The following DCAF4L2 variants were observed in gnomAD, a reference collection of about 807,000 sequenced individuals.
DCAF4L2 encodes the protein DDB1 and CUL4 associated factor 4 like 2.
Under a neutral mutation model 15.5 loss-of-function variants are expected in DCAF4L2, and 13 were observed. The observed-to-expected ratio is 0.84, with a 90% CI of 0.54 to 1.33. DCAF4L2 has a LOEUF of 1.33. Among genes scored for constraint, DCAF4L2 ranks in the 40% most tolerant of loss-of-function variants. The pLI is 0.00. For missense variants in DCAF4L2, 519 were observed against 509.6 expected (o/e 1.02, Z -0.18); for synonymous variants, 251 against 207.0 (o/e 1.21, Z -1.83).
rs1249496026 is a variant in DCAF4L2, at chr8:87,873,252, A to G, written c.720T>C (p.Phe240=). The change falls in exon 1 of 1, where the codon TTT becomes TTC. Residue 240 remains phenylalanine, a synonymous_variant. Coordinates refer to ENST00000319675, the MANE Select transcript of DCAF4L2 (RefSeq NM_152418.4). Reference sequence around the variant, plus strand: ...AGATCTCCCCAGAGCGACAGCCATTAAACAGCAAAGGAGTCATGATTGCAA... The same window carrying G: ...AGATCTCCCCAGAGCGACAGCCATTGAACAGCAAAGGAGTCATGATTGCAA... ...QQFAIMTPLL[F]NGCRSGEIFG... is the part of the protein sequence containing the mutation. The G allele has an allele frequency of 1.2e-6, 2 of 1,614,216 alleles. No homozygotes were observed. The highest frequency in any genetic ancestry group is 3.3e-5 in the Admixed American group (2 of 60,030).
rs1809386934 is a variant in DCAF4L2 at position 87,870,944 on chromosome 8, T to C, written c.*1840A>G. The stretch of plus-strand genomic sequence containing the variant: ...ATCCTTTAAACCAATATCTACTTTA[T>C]GATTTAGTTTTATTATCTAAGACAT... On this transcript the variant is annotated 3_prime_UTR_variant, in exon 1 of 1. Transcript: ENST00000319675. 1 of 152,262 alleles carries C rather than the reference T, an allele frequency of 6.6e-6. No homozygotes were observed. Among genetic ancestry groups the C allele is most frequent in the East Asian group, 1.9e-4 (1 of 5,192 alleles). The allele number at this position is 152,262 out of a possible 1,614,324, so 9.4% of individuals were successfully genotyped here. A position where few individuals can be genotyped will look rare whatever the true frequency, so the allele number is the denominator to read the frequency against.
In DCAF4L2 at chr8:87,873,398, G is replaced by A. The variant is rs754327780; in HGVS notation, c.574C>T (p.Leu192=). ...AAAGAGTGATACGCGTGGATGCTCA[G>A]GGACCAGGCACAGGACCAGGCATCA... is the stretch of plus-strand genomic sequence containing the variant. ...IPDAWSCAWS[L]SIHAYHSFST... The change falls in exon 1 of 1, where the codon CTG becomes TTG. Residue 192 remains leucine, a synonymous_variant. Coordinates refer to ENST00000319675, the MANE Select transcript of DCAF4L2 (RefSeq NM_152418.4). 4 of 1,614,086 alleles carry A rather than the reference G, an allele frequency of 2.5e-6. No individual in the cohort carries two copies. The highest frequency in any genetic ancestry group is 4.5e-5 in the East Asian group (2 of 44,882).
At position 87,872,601 on chromosome 8, in the gene DCAF4L2, A is replaced by G. The variant is rs1252949361; in HGVS notation, c.*183T>C. On this transcript the variant is annotated 3_prime_UTR_variant, in exon 1 of 1. Transcript: ENST00000319675. ...AAGGACTTTCAAGCTCTCTCAGCCCAGTTTAACTGAAACAACTTTACAGAA... is the reference window on the plus strand; with the variant it reads ...AAGGACTTTCAAGCTCTCTCAGCCCGGTTTAACTGAAACAACTTTACAGAA... The G allele has an allele frequency of 7.2e-6, 4 of 551,802 alleles. No homozygotes were observed. The highest frequency in any genetic ancestry group is 1.2e-5 in the Non-Finnish European group (4 of 330,508). The allele number at this position is 551,802 out of a possible 1,614,324, so 34.2% of individuals were successfully genotyped here.
chr8:87,870,804 T>A lies in DCAF4L2; in HGVS notation c.*1980A>T, dbSNP rs924155858. ...GTAAACAGATTCGCAAGTTACGTAG[T>A]CATTACATTTTCTTTTGTCAACTGC... On this transcript the variant is annotated 3_prime_UTR_variant, in exon 1 of 1. Coordinates refer to ENST00000319675, the MANE Select transcript of DCAF4L2 (RefSeq NM_152418.4). 6.6e-6 allele frequency: 1 copy of A among 152,176 alleles called. No homozygotes were observed. The highest frequency in any genetic ancestry group is 1.5e-5 in the Non-Finnish European group (1 of 68,030). The allele number at this position is 152,176 out of a possible 1,614,324, so 9.4% of individuals were successfully genotyped here. A position where few individuals can be genotyped will look rare whatever the true frequency, so the allele number is the denominator to read the frequency against.
Position 87,873,591 on chromosome 8 carries a change from C to A in DCAF4L2, c.381G>T (p.Val127=). The A allele has an allele frequency of 6.2e-7, 1 of 1,614,194 alleles. No homozygotes were observed. Among genetic ancestry groups the A allele is most frequent in the Non-Finnish European group, 8.5e-7 (1 of 1,180,042 alleles). The change falls in exon 1 of 1, where the codon GTG becomes GTT. Residue 127 remains valine (V), a synonymous_variant. Coordinates refer to ENST00000319675, the MANE Select transcript of DCAF4L2 (RefSeq NM_152418.4). ...HKTLYVPNRK[V]NSMCWASLNH... ...TCAGTGAGGCCCAGCACATAGAATT[C>A]ACCTTCCGATTAGGGACGTAGAGGG...
rs534810601 is a variant in DCAF4L2, at chr8:87,871,688, A to G, written c.*1096T>C. ...ACTATTCAAACTGTAATCACCATAGATAAGTTTTTAGTGCTTTGGAACTTT... is the reference window on the plus strand; with the variant it reads ...ACTATTCAAACTGTAATCACCATAGGTAAGTTTTTAGTGCTTTGGAACTTT... On this transcript the variant is annotated 3_prime_UTR_variant, in exon 1 of 1. Coordinates refer to ENST00000319675, the MANE Select transcript of DCAF4L2 (RefSeq NM_152418.4). 24 of 152,316 alleles carry G rather than the reference A, an allele frequency of 1.6e-4. No individual in the cohort carries two copies. The highest frequency in any genetic ancestry group is 8.3e-4 in the South Asian group (4 of 4,830). The allele number at this position is 152,316 out of a possible 1,614,324, so 9.4% of individuals were successfully genotyped here. A position where few individuals can be genotyped will look rare whatever the true frequency, so the allele number is the denominator to read the frequency against.
In DCAF4L2 at chr8:87,872,906, A is replaced by G; in HGVS notation, c.1066T>C (p.Tyr356His). The part of the protein sequence containing the change: ...GHLLTTIPSP[Y>H]PASENDIPSV... Reference sequence around the variant, plus strand: ...GGAATGTCGTTCTCCGAGGCGGGGTATGGGGAGGGTATGGTTGTGAGCAGG... The same window carrying G: ...GGAATGTCGTTCTCCGAGGCGGGGTGTGGGGAGGGTATGGTTGTGAGCAGG... The change falls in exon 1 of 1, where the codon TAC becomes CAC. Residue 356 changes from tyrosine (Y) to histidine (H), a missense_variant. Physicochemically the swap from Tyr to His is moderately conservative, Grantham distance 83 (BLOSUM62 2). Coordinates refer to ENST00000319675, the MANE Select transcript of DCAF4L2 (RefSeq NM_152418.4). The G allele has an allele frequency of 6.2e-7, 1 of 1,614,062 alleles. No homozygotes were observed. Among genetic ancestry groups the G allele is most frequent in the East Asian group, 2.2e-5 (1 of 44,854 alleles).
In DCAF4L2 at chr8:87,873,684, G is replaced by A. The variant is rs763988457; in HGVS notation, c.288C>T (p.Gly96=). The A allele has an allele frequency of 2.5e-6, 4 of 1,614,186 alleles. No homozygotes were observed. The highest frequency in any genetic ancestry group is 4.5e-5 in the East Asian group (2 of 44,870). ...GCATGGTGATGATGCCGTACTTGGA[G>A]CCTCCAGCTTCGACTTGGTTCACTG... ...LFTVNQVEAG[G]SKYGIITMRG... The change falls in exon 1 of 1, where the codon GGC becomes GGT. Residue 96 remains glycine, a synonymous_variant. Transcript: ENST00000319675.
rs919469216 is a variant in DCAF4L2, at chr8:87,873,793, T to C, written c.179A>G (p.Gln60Arg). 2 of 1,614,148 alleles carry C rather than the reference T, an allele frequency of 1.2e-6. 1 individual carries two copies. The highest frequency in any genetic ancestry group is 3.3e-4 in the Middle Eastern group (2 of 6,062). The change falls in exon 1 of 1, where the codon CAG (glutamine) becomes CGG (arginine). Residue 60 changes from glutamine to arginine, a missense_variant. By Grantham distance (43) the Gln-to-Arg change is conservative. Transcript: ENST00000319675. ...RVSCMQRKKV[Q>R]IHSWDPSSLA... The stretch of plus-strand genomic sequence containing the variant: ...AGAGGAGGGATCCCAGCTATGAATC[T>C]GGACCTTTTTCCTCTGCATGCAGCT...
In DCAF4L2 at chr8:87,873,393, G is replaced by A; in HGVS notation, c.579C>T (p.Ser193=). Residue 193 remains serine, a synonymous_variant, in exon 1 of 1, where the codon AGC becomes AGT. Coordinates refer to ENST00000319675, the MANE Select transcript of DCAF4L2 (RefSeq NM_152418.4). ...PDAWSCAWSL[S]IHAYHSFSTG... ...TACTGAAAGAGTGATACGCGTGGAT[G>A]CTCAGGGACCAGGCACAGGACCAGG... The A allele has an allele frequency of 6.2e-7, 1 of 1,614,192 alleles. No homozygotes were observed. Among genetic ancestry groups the A allele is most frequent in the Non-Finnish European group, 8.5e-7 (1 of 1,180,038 alleles).
Position 87,872,655 on chromosome 8 carries a change from C to T in DCAF4L2, c.*129G>A. The T allele has an allele frequency of 1.0e-6, 1 of 970,502 alleles. No individual in the cohort carries two copies. The highest frequency in any genetic ancestry group is 1.5e-6 in the Non-Finnish European group (1 of 677,806). The allele number at this position is 970,502 out of a possible 1,614,324, so 60.1% of individuals were successfully genotyped here. On this transcript the variant is annotated 3_prime_UTR_variant, in exon 1 of 1. Transcript: ENST00000319675. ...TCTTCACATAAAACAGCACCTTACC[C>T]CTAGCAGCCGGATGGATGGGATCTA...
In DCAF4L2 at chr8:87,873,807, C is replaced by A; in HGVS notation, c.165G>T (p.Gln55His). 1.9e-6 allele frequency: 3 copies of A among 1,614,174 alleles called. No homozygotes were observed. Among genetic ancestry groups the A allele is most frequent in the Non-Finnish European group, 2.5e-6 (3 of 1,180,042 alleles). The change falls in exon 1 of 1, where the codon CAG becomes CAT. Residue 55 changes from glutamine (Q) to histidine (H), a missense_variant. Physicochemically the swap from Gln to His is conservative, Grantham distance 24 (BLOSUM62 0). Coordinates refer to ENST00000319675, the MANE Select transcript of DCAF4L2 (RefSeq NM_152418.4). The part of the protein sequence containing the change: ...IARELRVSCM[Q>H]RKKVQIHSWD... ...AGCTATGAATCTGGACCTTTTTCCT[C>A]TGCATGCAGCTTACACGCAGCTCGC... is the stretch of plus-strand genomic sequence containing the variant.
Position 87,874,009 on chromosome 8 carries a change from C to T in DCAF4L2, c.-38G>A. On this transcript the variant is annotated 5_prime_UTR_variant, in exon 1 of 1. Coordinates refer to ENST00000319675, the MANE Select transcript of DCAF4L2 (RefSeq NM_152418.4). ...ATGTTCTCCCTCCTGAGGGGAAGTTCTGTCCCGGGAGTAAGAGGAAGTACC... is the reference window on the plus strand; with the variant it reads ...ATGTTCTCCCTCCTGAGGGGAAGTTTTGTCCCGGGAGTAAGAGGAAGTACC... 2.5e-6 allele frequency: 4 copies of T among 1,595,778 alleles called. No individual in the cohort carries two copies. Among genetic ancestry groups the T allele is most frequent in the South Asian group, 1.1e-5 (1 of 87,930 alleles).
In DCAF4L2 at chr8:87,872,961, G is replaced by A. The variant is rs1472314000; in HGVS notation, c.1011C>T (p.Tyr337=). ...GVVAAVGQDC[Y]TRIWSLRHGH... is the part of the protein sequence containing the mutation. ...CATGACGGAGGCTCCAGATTCTCGT[G>A]TAGCAGTCCTGGCCCACGGCCGCCA... is the stretch of plus-strand genomic sequence containing the variant. Residue 337 remains tyrosine, a synonymous_variant, in exon 1 of 1, where the codon TAC becomes TAT. Transcript: ENST00000319675. 1.2e-6 allele frequency: 2 copies of A among 1,614,054 alleles called. No homozygotes were observed. The highest frequency in any genetic ancestry group is 1.7e-6 in the Non-Finnish European group (2 of 1,180,036).
In DCAF4L2 at chr8:87,873,659, G is replaced by T. The variant is rs200433622; in HGVS notation, c.313C>A (p.Arg105=). The change falls in exon 1 of 1, where the codon CGA becomes AGA. Residue 105 remains arginine (R), a synonymous_variant. Coordinates refer to ENST00000319675, the MANE Select transcript of DCAF4L2 (RefSeq NM_152418.4). ...GGSKYGIITM[R]GLTTPELRVY... is the part of the protein sequence containing the mutation. ...CGGAGCTCAGGGGTCGTCAGGCCTCGCATGGTGATGATGCCGTACTTGGAG... is the reference window on the plus strand; with the variant it reads ...CGGAGCTCAGGGGTCGTCAGGCCTCTCATGGTGATGATGCCGTACTTGGAG... 2 of 1,614,176 alleles carry T rather than the reference G, an allele frequency of 1.2e-6. No individual in the cohort carries two copies. The highest frequency in any genetic ancestry group is 1.7e-6 in the Non-Finnish European group (2 of 1,180,034).
Position 87,873,735 on chromosome 8 carries a change from C to G in DCAF4L2, c.237G>C (p.Ala79=). 6.2e-7 allele frequency: 1 copy of G among 1,614,144 alleles called. No homozygotes were observed. Among genetic ancestry groups the G allele is most frequent in the Non-Finnish European group, 8.5e-7 (1 of 1,180,032 alleles). The part of the protein sequence containing the change: ...LASDRFNRIL[A]NTNTDQLFTV... ...TGAAGAGCTGGTCAGTGTTGGTATTCGCCAGTATGCGGTTAAATCGGTCGC... is the reference window on the plus strand; with the variant it reads ...TGAAGAGCTGGTCAGTGTTGGTATTGGCCAGTATGCGGTTAAATCGGTCGC... Residue 79 remains alanine (A), a synonymous_variant, in exon 1 of 1, where the codon GCG becomes GCC. Coordinates refer to ENST00000319675, the MANE Select transcript of DCAF4L2 (RefSeq NM_152418.4).
At position 87,872,944 on chromosome 8, in the gene DCAF4L2, A is replaced by G. The variant is rs1392687924; in HGVS notation, c.1028T>C (p.Leu343Pro). The part of the protein sequence containing the change: ...GQDCYTRIWS[L>P]RHGHLLTTIP... ...GGTTGTGAGCAGGTGGCCATGACGG[A>G]GGCTCCAGATTCTCGTGTAGCAGTC... The change falls in exon 1 of 1, where the codon CTC becomes CCC. Residue 343 changes from leucine (L) to proline (P), a missense_variant. Physicochemically the swap from Leu to Pro is moderately conservative, Grantham distance 98 (BLOSUM62 -3). Coordinates refer to ENST00000319675, the MANE Select transcript of DCAF4L2 (RefSeq NM_152418.4). The G allele has an allele frequency of 6.2e-7, 1 of 1,614,134 alleles. No homozygotes were observed.
Position 87,873,403 on chromosome 8 carries a change from C to T in DCAF4L2, c.569G>A (p.Trp190Ter), listed in dbSNP as rs1809438076. 6.2e-7 allele frequency: 1 copy of T among 1,614,180 alleles called. No individual in the cohort carries two copies. The change falls in exon 1 of 1, where the codon TGG (tryptophan) becomes TAG (stop). Residue 190 changes from tryptophan (W) to a stop codon, truncating the protein, a stop_gained. Transcript: ENST00000319675. LOFTEE classifies it high-confidence loss of function. ...GTGATACGCGTGGATGCTCAGGGAC[C>T]AGGCACAGGACCAGGCATCAGGGAT... ...FQIPDAWSCAWSLSIHAYHSF... is the reference protein window; with the variant it reads ...FQIPDAWSCA
rs1461102797 is a variant in DCAF4L2 at position 87,873,725 on chromosome 8, T to C, written c.247A>G (p.Thr83Ala). 2 of 1,614,008 alleles carry C rather than the reference T, an allele frequency of 1.2e-6. No individual in the cohort carries two copies. Among genetic ancestry groups the C allele is most frequent in the African/African-American group, 1.3e-5 (1 of 74,888 alleles). The change falls in exon 1 of 1, where the codon ACT becomes GCT. Residue 83 changes from threonine (T) to alanine (A), a missense_variant. Coordinates refer to ENST00000319675, the MANE Select transcript of DCAF4L2 (RefSeq NM_152418.4). Reference sequence around the variant, plus strand: ...TGGTTCACTGTGAAGAGCTGGTCAGTGTTGGTATTCGCCAGTATGCGGTTA... The same window carrying C: ...TGGTTCACTGTGAAGAGCTGGTCAGCGTTGGTATTCGCCAGTATGCGGTTA... ...RFNRILANTN[T>A]DQLFTVNQVE... is the part of the protein sequence containing the mutation.
Sources: gnomAD v4.1 joint callset for allele counts on GRCh38, gnomAD v4.1.1 for gene constraint, MANE v1.5 for transcripts, NCBI Gene and HGNC (gene_info 2026-07-23, HGNC 2026-07-21) for gene names.